EDIL3: variants seen among roughly 807,000 people sequenced by gnomAD.
EDIL3 encodes the protein EGF like and discoidin domains 3, also known as EGF-like repeat and discoidin I-like domain-containing protein 3.
In EDIL3, 37 loss-of-function variants were observed where a neutral mutation model predicts 67.4. The ratio of observed to expected loss-of-function variants is 0.55; its 90% CI spans 0.42 to 0.72. The LOEUF (loss-of-function observed/expected upper bound fraction) is 0.72. EDIL3 is among the 30% of genes least tolerant of loss of function. The pLI is 0.00. For synonymous variants in EDIL3, 195 were observed against 196.3 expected (o/e 0.99, Z 0.05); for missense variants, 527 against 586.3 (o/e 0.90, Z 1.04).
intron 10 of EDIL3, 62 bp from the exon 11 acceptor site, chr5:83,943,630 T>G: frequency 1.3e-6 from 2 of 1,574,124 alleles, no homozygotes. Flanking sequence ...ATTATTTTTA[T>G]GTTCCTGTTT....
chr5:84,235,417 T>C (rs1030319220), intron 2 of EDIL3, among the ~76,000 whole-genome samples: 1 of 152,162 alleles, frequency 6.6e-6, no homozygotes, highest in African/African-American at 2.4e-5. Flanking sequence ...TTGTGATTCC[T>C]GTGCAAAATT....
chr5:83,979,189 C>T (rs193115260), intron 9 of EDIL3, among the ~76,000 whole-genome samples: 5 of 152,126 alleles, frequency 3.3e-5, no homozygotes, highest in Admixed American at 1.3e-4. Context: ...TTAGTAATCA[C>T]GGAAATACAA....
intron 1 of EDIL3, among the ~76,000 whole-genome samples, chr5:84,266,719 T>C (rs1464618769): frequency 6.6e-6 from 1 of 152,180 alleles, no homozygotes; most frequent in African/African-American, 2.4e-5. Context: ...TACATTCCTA[T>C]TACTTATAAC....
chr5:84,032,763 C>T (rs1169574242), intron 9 of EDIL3, among the ~76,000 whole-genome samples: 3 of 152,152 alleles, frequency 2.0e-5, no homozygotes, highest in Non-Finnish European at 2.9e-5. Context: ...TAAAGTATGC[C>T]TTACACTTTC....
At chr5:83,949,619 G>C (rs528005518) in intron 10 of EDIL3, among the ~76,000 whole-genome samples, 1 of 151,900 alleles carries the variant, frequency 6.6e-6, no homozygotes, top group East Asian at 2.0e-4. Context: ...GAAGTAAATT[G>C]CTGACCATCA....
intron 1 of EDIL3, among the ~76,000 whole-genome samples, chr5:84,287,990 C>T (rs770153414): frequency 6.6e-6 from 1 of 152,126 alleles, no homozygotes; most frequent in South Asian, 2.1e-4. Context: ...AAGACTCTAA[C>T]ATTTTTGCTA....
chr5:84,246,974 T>C (rs1431124687), intron 2 of EDIL3, among the ~76,000 whole-genome samples: 1 of 152,192 alleles, frequency 6.6e-6, no homozygotes, highest in African/African-American at 2.4e-5. Flanking sequence ...AACTGCACAA[T>C]TATATTTGTT....
At position 84,105,139 on chromosome 5, in the gene EDIL3, C is replaced by T. The variant is rs553887022; in HGVS notation, c.651+1510G>A. On this transcript the variant is annotated intron_variant, in intron 6 of 10. Transcript: ENST00000296591. ...TTAGTAAATATGATATAATTATTTTCTATTATTCTGTGCATATTTTAAACC... is the reference window on the plus strand; with the variant it reads ...TTAGTAAATATGATATAATTATTTTTTATTATTCTGTGCATATTTTAAACC... 2.3e-3 allele frequency among the ~76,000 whole-genome samples: 354 copies of T among 152,064 alleles called. 1 individual carries two copies. Among genetic ancestry groups the T allele is most frequent in the Admixed American group, 6.0e-3 (92 of 15,220 alleles).
chr5:84,384,208 C>G, intron 1 of EDIL3, 100 bp downstream of exon 1: 1 of 1,450,968 alleles, frequency 6.9e-7, no homozygotes, highest in Non-Finnish European at 9.3e-7. Context: ...GCTCGCCACC[C>G]TTGGCACGCC....
chr5:84,163,432 A>G (rs916256928), intron 4 of EDIL3, among the ~76,000 whole-genome samples: 6 of 152,122 alleles, frequency 3.9e-5, no homozygotes, highest in African/African-American at 1.4e-4. Flanking sequence ...ATTAAAAAAT[A>G]AAGCTCACTA....
At chr5:84,118,437 T>G (rs894647665) in intron 5 of EDIL3, among the ~76,000 whole-genome samples, 4 of 152,174 alleles carry the variant, frequency 2.6e-5, no homozygotes, top group Admixed American at 6.5e-5. Context: ...GCAGGTAATT[T>G]AATTGGGAAA....
At chr5:84,276,069 T>C (rs1362037733) in intron 1 of EDIL3, among the ~76,000 whole-genome samples, 1 of 152,160 alleles carries the variant, frequency 6.6e-6, no homozygotes, top group East Asian at 1.9e-4. Context: ...TCCTGAGTCT[T>C]GCAAAGCCAC....
chr5:84,160,793 TCCTTTCCTTTCCTTTCCTTTCCTTTC>T (rs1449041966), intron 4 of EDIL3, among the ~76,000 whole-genome samples: 51 of 136,648 alleles, frequency 3.7e-4, no homozygotes, highest in African/African-American at 1.3e-3. Flanking sequence ...TCCTTTCCTT[TCCTTTCCTTTCCTTTCCTTTCCTTTC>T]CCTTTCCTTT....
chr5:83,981,528 A>C (rs1370158826), intron 9 of EDIL3, among the ~76,000 whole-genome samples: 2 of 152,058 alleles, frequency 1.3e-5, no homozygotes, highest in Non-Finnish European at 2.9e-5. Flanking sequence ...GGGGTGAGGA[A>C]GGATAGAGTA....
chr5:84,301,277 A>G (rs1403822021), intron 1 of EDIL3, among the ~76,000 whole-genome samples: 3 of 140,486 alleles, frequency 2.1e-5, no homozygotes, highest in Non-Finnish European at 4.9e-5. Flanking sequence ...TCAAAAAAAA[A>G]AGAAAAAAAA....
intron 10 of EDIL3, among the ~76,000 whole-genome samples, chr5:83,958,644 T>C (rs188671087): frequency 4.0e-5 from 6 of 151,608 alleles, no homozygotes; most frequent in Admixed American, 1.3e-4. Flanking sequence ...TTATGACTAA[T>C]ATACTGGATG....
chr5:84,099,448 G>A (rs1160898071), intron 6 of EDIL3, among the ~76,000 whole-genome samples: 1 of 152,132 alleles, frequency 6.6e-6, no homozygotes, highest in Non-Finnish European at 1.5e-5. Context: ...TCTGATCTTT[G>A]ACAAACCTGA....
At chr5:84,383,175 G>A (rs1269428715) in intron 1 of EDIL3, among the ~76,000 whole-genome samples, 2 of 152,162 alleles carry the variant, frequency 1.3e-5, no homozygotes, top group Non-Finnish European at 2.9e-5. Context: ...GCCTGCAGAG[G>A]ATTCTATTAC....
chr5:84,174,048 G>A (rs1193303593), intron 4 of EDIL3, among the ~76,000 whole-genome samples: 1 of 152,212 alleles, frequency 6.6e-6, no homozygotes. Context: ...AAGGAAAGGA[G>A]ACAGATGAGG....
Sources: gnomAD v4.1 joint callset for allele counts (sites outside exome capture counted in the v4.1 genomes callset) on GRCh38, gnomAD v4.1.1 for gene constraint, MANE v1.5 for transcripts, NCBI Gene and HGNC (gene_info 2026-07-23, HGNC 2026-07-21) for gene names.